The following SCAMP1 variants were observed in gnomAD, a reference collection of about 807,000 sequenced individuals.
SCAMP1 encodes the protein secretory carrier membrane protein 1.
In SCAMP1, 15 loss-of-function variants were observed where a neutral mutation model predicts 41.8. The ratio of observed to expected loss-of-function variants is 0.36; its 90% confidence interval spans 0.24 to 0.55. The LOEUF (loss-of-function observed/expected upper bound fraction) is 0.55. SCAMP1 is among the 20% of genes least tolerant of loss of function. The probability of loss-of-function intolerance (pLI) is 0.86; values close to 1 mark genes in which losing one functional copy is unlikely to be tolerated. For missense variants in SCAMP1, 341 were observed against 412.6 expected, an observed-to-expected ratio of 0.83 and a Z score of 1.50; for synonymous variants, 135 against 136.8, an observed-to-expected ratio of 0.99 and a Z score of 0.09.
Position 78,400,428 on chromosome 5 carries a change from T to C in SCAMP1, c.135+11514T>C, listed in dbSNP as rs1751769155. Among the ~76,000 whole-genome samples, 3 of 152,324 alleles carry C rather than the reference T, an allele frequency of 2.0e-5. No homozygotes were observed. In the South Asian group the frequency reaches 6.2e-4, roughly 32 times the overall value. On this transcript the variant is annotated intron_variant, in intron 2 of 8. Coordinates refer to ENST00000621999, the MANE Select transcript of SCAMP1 (RefSeq NM_004866.6). ...TAACTTGCTGGGATTTTGATTGGGA[T>C]TGCGTTGAATCTGTAGATCAAGTTG...
chr5:78,430,043 T>C (rs993754476), intron 6 of SCAMP1, among the ~76,000 whole-genome samples: 3 of 121,520 alleles, frequency 2.5e-5, no homozygotes, highest in African/African-American at 9.5e-5. Flanking sequence ...AAATAGTATT[T>C]ACAGTATTTA....
chr5:78,435,168 A>C (rs1469756945), intron 6 of SCAMP1, among the ~76,000 whole-genome samples: 1 of 152,188 alleles, frequency 6.6e-6, no homozygotes, highest in Non-Finnish European at 1.5e-5. Context: ...ATAGAAAAGG[A>C]GAGCTTTATT....
chr5:78,457,257 C>T (rs373227777), intron 7 of SCAMP1, among the ~76,000 whole-genome samples: 11 of 152,230 alleles, frequency 7.2e-5, no homozygotes, highest in South Asian at 4.1e-4. Flanking sequence ...AGAGGAGAGG[C>T]GCTCTGCGTT....
At chr5:78,366,585 C>A (rs538375229) in intron 1 of SCAMP1, among the ~76,000 whole-genome samples, 1 of 152,180 alleles carries the variant, frequency 6.6e-6, no homozygotes, top group African/African-American at 2.4e-5. Context: ...AGGAAACAAA[C>A]GTTCAGACCT....
In SCAMP1 at chr5:78,412,062, T is replaced by G. The variant is rs571255792; in HGVS notation, c.136-3458T>G. Among the ~76,000 whole-genome samples the G allele has an allele frequency of 2.0e-5, 3 of 152,160 alleles. No homozygotes were observed. In the East Asian group the frequency reaches 5.8e-4, roughly 29 times the overall value. ...TATTTTGTAAGCTGCCTGTTCAGAG[T>G]TTTTAAAAATGCAGTTTTTTTCAGT... On this transcript the variant is annotated intron_variant, in intron 2 of 8. Coordinates refer to ENST00000621999, the MANE Select transcript of SCAMP1 (RefSeq NM_004866.6).
Position 78,384,158 on chromosome 5 carries a change from G to C in SCAMP1, c.58-4679G>C, listed in dbSNP as rs535461265. On this transcript the variant is annotated intron_variant, in intron 1 of 8. Transcript: ENST00000621999. ...TAGAGGTCTTTCACCTCTTTGGTTA[G>C]GTATATTCCCAAGTTTTTTTTCTTT... Among the ~76,000 whole-genome samples, 8 of 136,900 alleles carry C rather than the reference G, an allele frequency of 5.8e-5. No individual in the cohort carries two copies. In the South Asian group the frequency reaches 1.7e-3, roughly 29 times the overall value. The allele number at this position is 136,900 out of a possible 152,430, so 89.8% of individuals were successfully genotyped here. A position where few individuals can be genotyped will look rare whatever the true frequency, so the allele number is the denominator to read the frequency against.
At chr5:78,392,016 A>G (rs1205735231) in intron 2 of SCAMP1, among the ~76,000 whole-genome samples, 3 of 109,142 alleles carry the variant, frequency 2.7e-5, no homozygotes, top group Non-Finnish European at 5.8e-5. Flanking sequence ...GGAGAGGGAG[A>G]GGGAGAGAGA....
chr5:78,455,746 T>C (rs1260448747), intron 7 of SCAMP1, among the ~76,000 whole-genome samples: 4 of 138,262 alleles, frequency 2.9e-5, no homozygotes, highest in African/African-American at 1.1e-4. Context: ...CCTTATTGAC[T>C]TTCTGTCTTG....
At position 78,368,325 on chromosome 5, in the gene SCAMP1, G is replaced by C. The variant is rs956473293; in HGVS notation, c.57+7597G>C. On this transcript the variant is annotated intron_variant, in intron 1 of 8. Coordinates refer to ENST00000621999, the MANE Select transcript of SCAMP1 (RefSeq NM_004866.6). ...GTGACAAAACTAAGATTTGAACACA[G>C]TTTTATTTTGGCCCTGTAGCTTTAC... Among the ~76,000 whole-genome samples, 9 of 151,380 alleles carry C rather than the reference G, an allele frequency of 5.9e-5. No individual in the cohort carries two copies. In the South Asian group the frequency reaches 1.5e-3, roughly 25 times the overall value.
intron 2 of SCAMP1, among the ~76,000 whole-genome samples, chr5:78,394,356 C>G (rs1751593762): frequency 6.6e-6 from 1 of 151,742 alleles, no homozygotes; most frequent in Non-Finnish European, 1.5e-5. Flanking sequence ...ATATATATTA[C>G]AATGAAGGCA....
intron 6 of SCAMP1, among the ~76,000 whole-genome samples, chr5:78,430,179 A>ATTTATAAATACT (rs1752576627): frequency 1.2e-4 from 1 of 8,570 alleles, no homozygotes; most frequent in African/African-American, 4.7e-4. Flanking sequence ...TTATAAATAC[A>ATTTATAAATACT]GTATTTATTT....
intron 2 of SCAMP1, among the ~76,000 whole-genome samples, chr5:78,412,650 ACTT>A (rs879443218): frequency 2.0e-5 from 3 of 151,966 alleles, no homozygotes; most frequent in Admixed American, 2.0e-4. Context: ...TTGTTTTTGC[ACTT>A]CTTGATTACT....
At chr5:78,437,815 T>C (rs996621413) in intron 6 of SCAMP1, among the ~76,000 whole-genome samples, 2 of 152,248 alleles carry the variant, frequency 1.3e-5, no homozygotes, top group Non-Finnish European at 2.9e-5. Context: ...GTACCTCTGA[T>C]AGAATTCGGC....
At chr5:78,443,430 C>CA (rs533761112) in intron 6 of SCAMP1, among the ~76,000 whole-genome samples, 2 of 151,806 alleles carry the variant, frequency 1.3e-5, no homozygotes, top group Non-Finnish European at 2.9e-5. Context: ...AAATAATGTT[C>CA]AAAAAATATT....
At chr5:78,432,120 G>A (rs1752639585) in intron 6 of SCAMP1, among the ~76,000 whole-genome samples, 1 of 151,900 alleles carries the variant, frequency 6.6e-6, no homozygotes, top group South Asian at 2.1e-4. Flanking sequence ...CCTGGCTTCT[G>A]CCTACTACCC....
intron 1 of SCAMP1, among the ~76,000 whole-genome samples, chr5:78,379,867 C>G (rs1236717501): frequency 6.6e-6 from 1 of 152,148 alleles, no homozygotes; most frequent in African/African-American, 2.4e-5. Context: ...TTCTATCTCC[C>G]TCCTTTTTTC....
chr5:78,471,577 A>C (rs1404207585), intron 8 of SCAMP1, among the ~76,000 whole-genome samples: 1 of 152,180 alleles, frequency 6.6e-6, no homozygotes, highest in East Asian at 1.9e-4. Context: ...GGTATTCTAT[A>C]TGTTTTAATG....
intron 8 of SCAMP1, among the ~76,000 whole-genome samples, chr5:78,461,068 C>G (rs1753599175): frequency 6.6e-6 from 1 of 151,992 alleles, no homozygotes; most frequent in South Asian, 2.1e-4. Context: ...GTTGGCCAGC[C>G]TGGCCTTGAA....
chr5:78,381,579 C>T (rs1580650017), intron 1 of SCAMP1, among the ~76,000 whole-genome samples: 2 of 152,228 alleles, frequency 1.3e-5, no homozygotes, highest in African/African-American at 4.8e-5. Context: ...CATGCCTTCT[C>T]TCTTGATAAT....
Sources: allele counts gnomAD v4.1 joint callset (sites outside exome capture counted in the v4.1 genomes callset), GRCh38; gene constraint gnomAD v4.1.1; transcripts MANE v1.5; gene names NCBI Gene and HGNC (gene_info 2026-07-23, HGNC 2026-07-21).